The following C12orf54 variants were observed in gnomAD, a reference collection of about 807,000 sequenced individuals.
The protein encoded by C12orf54 is uncharacterized protein C12orf54.
C12orf54 carries 24 observed loss-of-function variants against 26.4 expected under a neutral mutation model. The ratio of observed to expected loss-of-function variants is 0.91; its 90% CI spans 0.66 to 1.28. C12orf54 has a LOEUF of 1.28. Among genes scored for constraint, C12orf54 ranks in the 50% most tolerant of loss-of-function variants. The pLI is 0.00. For synonymous variants in C12orf54, 54 were observed against 47.0 expected (o/e 1.15, Z -0.61); for missense variants, 154 against 150.9 (o/e 1.02, Z -0.11).
chr12:48,417,896 A>G, the C12orf54 span, among the ~76,000 whole-genome samples: 1 of 152,216 alleles, frequency 6.6e-6, no homozygotes, highest in African/African-American at 2.4e-5. Flanking sequence ...CATCCGTGTT[A>G]CTACAAACAA....
chr12:48,491,936 C>T (rs1937798383), intron 6 of C12orf54, among the ~76,000 whole-genome samples: 1 of 152,128 alleles, frequency 6.6e-6, no homozygotes, highest in African/African-American at 2.4e-5. Flanking sequence ...CTAAGAGACT[C>T]TCGTATGGTG....
intron 4 of C12orf54, among the ~76,000 whole-genome samples, chr12:48,488,711 T>G (rs1269941046): frequency 6.6e-6 from 1 of 152,154 alleles, no homozygotes; most frequent in Admixed American, 6.5e-5. Flanking sequence ...TTTTGCTCAT[T>G]TACCATACAG....
upstream of C12orf54, among the ~76,000 whole-genome samples, chr12:48,477,716 C>A (rs1301977674): frequency 5.9e-5 from 9 of 152,184 alleles, no homozygotes; most frequent in Admixed American, 6.5e-5. Context: ...GAATCTCTGA[C>A]TAGACCAATA....
chr12:48,473,422 A>T, the C12orf54 span: 1 of 693,860 alleles, frequency 1.4e-6, no homozygotes, highest in East Asian at 3.5e-5. Context: ...TAAGTGGAAT[A>T]ATCTATTTTG....
At chr12:48,462,824 T>C in the C12orf54 span, among the ~76,000 whole-genome samples, 4 of 151,816 alleles carry the variant, frequency 2.6e-5, no homozygotes, top group African/African-American at 4.8e-5. Context: ...GCAGTCTCTT[T>C]AGGATTTGGA....
chr12:48,490,844 A>T lies in C12orf54; in HGVS notation c.193+8A>T. The T allele has an allele frequency of 6.2e-7, 1 of 1,613,198 alleles. No individual in the cohort carries two copies. Among genetic ancestry groups the T allele is most frequent in the Non-Finnish European group, 8.5e-7 (1 of 1,179,170 alleles). On this transcript the variant is annotated splice_region_variant and intron_variant, in intron 6 of 8. Coordinates refer to ENST00000548364, the MANE Select transcript of C12orf54 (RefSeq NM_152319.4). Reference sequence around the variant, plus strand: ...AAGATGCTCGGATTCGAGGTAAAACAGCACCATTCCAAGGTTTGGAAAAGG... The same window carrying T: ...AAGATGCTCGGATTCGAGGTAAAACTGCACCATTCCAAGGTTTGGAAAAGG...
At chr12:48,453,142 G>T in the C12orf54 span, among the ~76,000 whole-genome samples, 5 of 152,136 alleles carry the variant, frequency 3.3e-5, no homozygotes, top group Admixed American at 3.3e-4. Flanking sequence ...ATACATGATG[G>T]AATACTATGC....
chr12:48,482,957 C>T (rs1466771026), intron 1 of C12orf54, among the ~76,000 whole-genome samples: 1 of 151,682 alleles, frequency 6.6e-6, no homozygotes, highest in African/African-American at 2.4e-5. Flanking sequence ...CGTCTACTTC[C>T]TCACTGCAAT....
chr12:48,435,792 G>C, the C12orf54 span, among the ~76,000 whole-genome samples: 2 of 152,110 alleles, frequency 1.3e-5, no homozygotes, highest in Non-Finnish European at 2.9e-5. Context: ...CAGTACCAGT[G>C]ACTGCAAAAA....
At chr12:48,419,196 C>T in the C12orf54 span, among the ~76,000 whole-genome samples, 2 of 152,286 alleles carry the variant, frequency 1.3e-5, no homozygotes, top group East Asian at 1.9e-4. Flanking sequence ...GAAATGCAGG[C>T]TTTTTGCTCC....
intron 2 of C12orf54, 165 bp downstream of exon 2, chr12:48,483,526 T>C (rs1954223102): frequency 1.7e-6 from 1 of 589,940 alleles, no homozygotes; most frequent in Admixed American, 3.2e-5. Flanking sequence ...ATCTCCTTAA[T>C]GAAAGAGATA....
upstream of C12orf54, among the ~76,000 whole-genome samples, chr12:48,477,513 GA>G (rs1263941797): frequency 6.6e-6 from 1 of 152,036 alleles, no homozygotes; most frequent in South Asian, 2.1e-4. Flanking sequence ...GACTAATAAA[GA>G]AGAAAATAGA....
the C12orf54 span, among the ~76,000 whole-genome samples, chr12:48,421,971 A>G: frequency 0.05 from 7,686 of 152,278 alleles, 660 homozygotes; most frequent in African/African-American, 0.17. Flanking sequence ...AAGAGACTCT[A>G]AAACAAAACT....
chr12:48,470,643 T>C, the C12orf54 span, among the ~76,000 whole-genome samples: 1 of 152,138 alleles, frequency 6.6e-6, no homozygotes, highest in Non-Finnish European at 1.5e-5. Flanking sequence ...CTTCTTTGGC[T>C]GTGCAGAATC....
the C12orf54 span, among the ~76,000 whole-genome samples, chr12:48,467,307 G>A: frequency 2.0e-5 from 3 of 152,220 alleles, no homozygotes; most frequent in South Asian, 4.1e-4. Context: ...TAGAAGAAAC[G>A]AACCCTGTCG....
chr12:48,468,314 G>A, the C12orf54 span, among the ~76,000 whole-genome samples: 20 of 152,192 alleles, frequency 1.3e-4, no homozygotes, highest in South Asian at 1.0e-3. Context: ...CTGGCACACC[G>A]GAGGGAAAGG....
the C12orf54 span, among the ~76,000 whole-genome samples, chr12:48,463,564 C>G: frequency 5.3e-5 from 8 of 151,800 alleles, no homozygotes; most frequent in South Asian, 1.7e-3. Flanking sequence ...TCCAATCATT[C>G]TATAAAGCCA....
chr12:48,429,282 A>T, the C12orf54 span, among the ~76,000 whole-genome samples: 1 of 151,990 alleles, frequency 6.6e-6, no homozygotes, highest in East Asian at 1.9e-4. Context: ...CACTCTCACC[A>T]CTCCTCTTCA....
At chr12:48,488,818 G>T in intron 4 of C12orf54, 106 bp from the exon 5 acceptor site, 1 of 918,570 alleles carries the variant, frequency 1.1e-6, no homozygotes. Context: ...ACATTCTACA[G>T]CCTAGTGGCT....
Sources: gnomAD v4.1 joint callset for allele counts (sites outside exome capture counted in the v4.1 genomes callset) on GRCh38, gnomAD v4.1.1 for gene constraint, MANE v1.5 for transcripts, NCBI Gene and HGNC (gene_info 2026-07-23, HGNC 2026-07-21) for gene names.